The following RFC2 variants were observed in gnomAD, a reference collection of about 807,000 sequenced individuals.
The protein encoded by RFC2 is replication factor C subunit 2, also known as A1 40 kDa subunit.
RFC2 carries 34 observed loss-of-function variants against 44.8 expected under a neutral mutation model. The observed-to-expected ratio is 0.76, with a 90% CI of 0.58 to 1.01. The LOEUF (loss-of-function observed/expected upper bound fraction) is 1.01. Ranked by LOEUF, RFC2 falls within the 50% of genes least tolerant of loss-of-function variation. The pLI, the probability that RFC2 is intolerant of heterozygous loss-of-function variation, is 0.00. For missense variants in RFC2, 400 were observed against 453.6 expected, an observed-to-expected ratio of 0.88 and a Z score of 1.07; for synonymous variants, 177 against 168.9, an observed-to-expected ratio of 1.05 and a Z score of -0.37.
At chr7:74,239,027 A>G in intron 7 of RFC2, 39 bp from the exon 8 acceptor site, 1 of 1,555,586 alleles carries the variant, frequency 6.4e-7, no homozygotes. Flanking sequence ...TGATTTTTAT[A>G]TTTATTTCTT....
At position 74,232,068 on chromosome 7, in the gene RFC2, A is replaced by C. The variant is rs372771318; in HGVS notation, c.*38T>G. 7.9e-7 allele frequency: 1 copy of C among 1,267,354 alleles called. No homozygotes were observed. The highest frequency in any genetic ancestry group is 1.5e-5 in the African/African-American group (1 of 68,018). The allele number at this position is 1,267,354 out of a possible 1,614,324, so 78.5% of individuals were successfully genotyped here. On this transcript the variant is annotated 3_prime_UTR_variant, in exon 11 of 11. Coordinates refer to ENST00000055077, the MANE Select transcript of RFC2 (RefSeq NM_181471.3). ...GAAAGCCGCGGCTCCTGTACCTCAG[A>C]ATAGGGCACCTGTAAGTCAGTCAGT...
chr7:74,248,270 G>A (rs1803734817), intron 4 of RFC2, among the ~76,000 whole-genome samples: 1 of 151,852 alleles, frequency 6.6e-6, no homozygotes, highest in South Asian at 2.1e-4. Context: ...TTGGGAGGCT[G>A]ATGCAAGGAG....
rs1803235048 is a variant in RFC2 at position 74,240,002 on chromosome 7, C to T, written c.629G>A (p.Arg210Lys). The T allele has an allele frequency of 6.2e-7, 1 of 1,613,878 alleles. No individual in the cohort carries two copies. The highest frequency in any genetic ancestry group is 8.5e-7 in the Non-Finnish European group (1 of 1,179,936). Residue 210 changes from arginine to lysine, a missense_variant, in exon 7 of 11, where the codon AGG (arginine) becomes AAG (lysine). Arg to Lys is a conservative substitution (Grantham distance 26). Coordinates refer to ENST00000055077, the MANE Select transcript of RFC2 (RefSeq NM_181471.3). ...TAGGCCGTCATCAGTGTAGGGTACC[C>T]TCTCCTTCTCGATAACATTCATCAG... ...TRLMNVIEKE[R>K]VPYTDDGLEA...
chr7:74,234,708 G>C (rs1554717918), intron 10 of RFC2, among the ~76,000 whole-genome samples: 1 of 152,056 alleles, frequency 6.6e-6, no homozygotes, highest in Non-Finnish European at 1.5e-5. Context: ...TTAGGTCCCT[G>C]GAGAGCTGGC....
chr7:74,233,733 T>G (rs1802857935), intron 10 of RFC2: 3 of 436,534 alleles, frequency 6.9e-6, no homozygotes, highest in Admixed American at 2.4e-5. Context: ...CCCGAGTAGC[T>G]GGGATTACAG....
intron 5 of RFC2, among the ~76,000 whole-genome samples, chr7:74,244,360 AT>A (rs35362317): frequency 5.5e-5 from 8 of 146,648 alleles, no homozygotes; most frequent in South Asian, 4.5e-4. Context: ...AAAAAAAAAA[AT>A]TTTTTTTTTG....
chr7:74,249,401 C>G (rs372310992), intron 3 of RFC2, among the ~76,000 whole-genome samples: 2 of 152,008 alleles, frequency 1.3e-5, no homozygotes, highest in African/African-American at 4.8e-5. Flanking sequence ...CTTAGCTGGG[C>G]GTGATGGCAG....
At chr7:74,250,167 A>C (rs1227186167) in intron 2 of RFC2, among the ~76,000 whole-genome samples, 3 of 151,956 alleles carry the variant, frequency 2.0e-5, no homozygotes, top group East Asian at 1.9e-4. Flanking sequence ...AAAAAAAAAA[A>C]AACACAAAAC....
At chr7:74,232,257 G>A in intron 10 of RFC2, 41 bp from the exon 11 acceptor site, 1 of 1,058,918 alleles carries the variant, frequency 9.4e-7, no homozygotes, top group Non-Finnish European at 1.5e-6. Context: ...AATAAGTGGG[G>A]GAGTTCTTTT....
chr7:74,252,538 T>A, intron 1 of RFC2, 40 bp from the exon 2 acceptor site: 2 of 1,175,892 alleles, frequency 1.7e-6, no homozygotes, highest in Non-Finnish European at 2.6e-6. Context: ...ATGGTTATCT[T>A]CACACTACCC....
rs1338231699 is a variant in RFC2 at position 74,238,727 on chromosome 7, A to G, written c.759+196T>C. On this transcript the variant is annotated intron_variant, in intron 8 of 10. Transcript: ENST00000055077. The surrounding 1 kb of genome is among the most constrained non-coding windows in gnomAD (Gnocchi z 4.0). ...ACCTACCACACACAAGTGACGTTCC[A>G]GGTCCCCCGAAACTCTCCAGCTTGT... is the stretch of plus-strand genomic sequence containing the variant. Among the ~76,000 whole-genome samples, 3 of 152,180 alleles carry G rather than the reference A, an allele frequency of 2.0e-5. No individual in the cohort carries two copies. Among genetic ancestry groups the G allele is most frequent in the Admixed American group, 6.5e-5 (1 of 15,274 alleles).
At chr7:74,243,900 A>T (rs1803463884) in intron 5 of RFC2, among the ~76,000 whole-genome samples, 1 of 151,690 alleles carries the variant, frequency 6.6e-6, no homozygotes, top group South Asian at 2.1e-4. Flanking sequence ...AAAATTATAT[A>T]TATTATGATC....
chr7:74,244,016 C>T (rs1255879346), intron 5 of RFC2, among the ~76,000 whole-genome samples: 3 of 147,290 alleles, frequency 2.0e-5, no homozygotes, highest in African/African-American at 2.5e-5. Context: ...ATTGGGAGGC[C>T]GAGGCAGGTG....
Position 74,243,347 on chromosome 7 carries a change from T to C in RFC2, c.435-101A>G, listed in dbSNP as rs1803441114. 9.2e-6 allele frequency: 7 copies of C among 764,218 alleles called. No individual in the cohort carries two copies. In the Admixed American group the frequency reaches 1.4e-4, roughly 16 times the overall value. 47.3% of individuals were successfully genotyped at this position (764,218 alleles called of 1,614,324 possible). ...AGGACATAAGACACATCCAATGTCC[T>C]AAATGAGGGTCTCATTGGAAGTACG... is the stretch of plus-strand genomic sequence containing the variant. On this transcript the variant is annotated intron_variant, in intron 5 of 10. Transcript: ENST00000055077.
rs554410825 is a variant in RFC2, at chr7:74,238,144, C to T, written c.760-702G>A. ...CCGAACCATCACCCCTGTTTCTGAG[C>T]GGGCCTCCCCTTCCTAAGTGGCCTC... On this transcript the variant is annotated intron_variant, in intron 8 of 10. Coordinates refer to ENST00000055077, the MANE Select transcript of RFC2 (RefSeq NM_181471.3). The surrounding 1 kb of genome is among the most constrained non-coding windows in gnomAD (Gnocchi z 4.0). Among the ~76,000 whole-genome samples, 178 of 152,170 alleles carry T rather than the reference C, an allele frequency of 1.2e-3. No homozygotes were observed. Among genetic ancestry groups the T allele is most frequent in the African/African-American group, 3.9e-3 (163 of 41,538 alleles).
intron 6 of RFC2, among the ~76,000 whole-genome samples, chr7:74,240,502 CAAAAAAA>C (rs1216974808): frequency 9.5e-5 from 7 of 73,376 alleles, no homozygotes; most frequent in African/African-American, 1.7e-4. Context: ...GCTGTGTCTC[CAAAAAAA>C]AAAAAAAAAA....
chr7:74,244,096 C>CAAAAAAAAAAAAAAAAAAAAAAAAAAAA (rs1179272254), intron 5 of RFC2, among the ~76,000 whole-genome samples: 1 of 41,636 alleles, frequency 2.4e-5, no homozygotes, highest in Non-Finnish European at 5.3e-5. Context: ...ACTAAAAATA[C>CAAAAAAAAAAAAAAAAAAAAAAAAAAAA]AAAAAAAAAA....
At chr7:74,241,011 A>G (rs10255737) in intron 6 of RFC2, among the ~76,000 whole-genome samples, 1 of 151,458 alleles carries the variant, frequency 6.6e-6, no homozygotes, top group Non-Finnish European at 1.5e-5. Context: ...GCTCACTGCA[A>G]CCTCCACCTC....
intron 1 of RFC2, 86 bp downstream of exon 1, chr7:74,254,185 G>A (rs1787141628): frequency 9.9e-7 from 1 of 1,005,666 alleles, no homozygotes; most frequent in Non-Finnish European, 1.5e-6. Context: ...ACGAGCCCCT[G>A]ACCCCCGAGT....
Sources: allele counts gnomAD v4.1 joint callset (sites outside exome capture counted in the v4.1 genomes callset), GRCh38; gene constraint gnomAD v4.1.1; non-coding constraint Gnocchi (gnomAD v3.1); transcripts MANE v1.5; gene names NCBI Gene and HGNC (gene_info 2026-07-23, HGNC 2026-07-21).